The following TBX15 variants were observed in gnomAD, a reference collection of about 807,000 sequenced individuals.
TBX15 encodes the protein T-box transcription factor TBX15.
In TBX15, 18 loss-of-function variants were observed where a neutral mutation model predicts 53.9. The observed-to-expected ratio is 0.33, with a 90% CI of 0.23 to 0.49. The LOEUF is 0.49. Ranked by LOEUF, TBX15 falls within the 20% of genes least tolerant of loss-of-function variation. TBX15 has a pLI of 0.98. For missense variants in TBX15, 692 were observed against 749.5 expected (o/e 0.92, Z 0.90); for synonymous variants, 295 against 278.0 (o/e 1.06, Z -0.61).
intron 1 of TBX15, among the ~76,000 whole-genome samples, chr1:118,952,259 C>A (rs181533534): frequency 9.2e-5 from 14 of 152,204 alleles, no homozygotes; most frequent in Admixed American, 8.5e-4. Flanking sequence ...TATTAACCAG[C>A]TATTTATGTT....
chr1:118,934,891 C>T (rs527317389), intron 1 of TBX15, among the ~76,000 whole-genome samples: 1 of 152,298 alleles, frequency 6.6e-6, no homozygotes, highest in East Asian at 1.9e-4. Flanking sequence ...TCTAGATTTT[C>T]ACTCTCTCAC....
chr1:118,986,320 T>C (rs904721923), intron 1 of TBX15, among the ~76,000 whole-genome samples: 1 of 152,186 alleles, frequency 6.6e-6, no homozygotes, highest in Admixed American at 6.5e-5. Context: ...AGGAAAAGGC[T>C]TGGACGGTCG....
At chr1:118,896,513 GGA>G (rs1301060101) in intron 7 of TBX15, among the ~76,000 whole-genome samples, 14 of 152,110 alleles carry the variant, frequency 9.2e-5, no homozygotes, top group Non-Finnish European at 2.1e-4. Flanking sequence ...AAACTGTCTA[GGA>G]CTGCTATGTG....
intron 7 of TBX15, among the ~76,000 whole-genome samples, chr1:118,885,783 T>C (rs1653922146): frequency 6.6e-6 from 1 of 152,190 alleles, no homozygotes; most frequent in Admixed American, 6.5e-5. Flanking sequence ...GTTTTCTCTG[T>C]AAGAGCCTTA....
intron 5 of TBX15, among the ~76,000 whole-genome samples, chr1:118,918,726 C>A (rs756479693): frequency 1.8e-4 from 28 of 152,152 alleles, no homozygotes; most frequent in Non-Finnish European, 4.0e-4. Context: ...TAATGTTAAT[C>A]ATTGTCACGG....
At position 118,884,616 on chromosome 1, in the gene TBX15, A is replaced by AC; in HGVS notation, c.*115_*116insG. On this transcript the variant is annotated 3_prime_UTR_variant, in exon 8 of 8. Coordinates refer to ENST00000369429, the MANE Select transcript of TBX15 (RefSeq NM_001330677.2). ...TATGTCTTCGGCCAGAAAAAAAAAA[A>AC]AAAAAAAAACACGGTTCCTGTTTTT... 1.5e-6 allele frequency: 2 copies of AC among 1,316,786 alleles called. No individual in the cohort carries two copies. Among genetic ancestry groups the AC allele is most frequent in the Non-Finnish European group, 2.1e-6 (2 of 965,504 alleles). The allele number at this position is 1,316,786 out of a possible 1,614,324, so 81.6% of individuals were successfully genotyped here.
intron 6 of TBX15, among the ~76,000 whole-genome samples, chr1:118,910,636 G>A (rs954774767): frequency 7.2e-5 from 11 of 152,294 alleles, no homozygotes; most frequent in African/African-American, 2.4e-4. Flanking sequence ...ATTAAAGTGT[G>A]ATTATCAGGT....
chr1:118,942,350 T>G (rs560728526), intron 1 of TBX15, among the ~76,000 whole-genome samples: 1 of 152,346 alleles, frequency 6.6e-6, no homozygotes, highest in East Asian at 1.9e-4. Flanking sequence ...ATGCACTCAA[T>G]AAAATGTTTT....
At chr1:118,888,382 T>G (rs905665041) in intron 7 of TBX15, among the ~76,000 whole-genome samples, 2 of 152,208 alleles carry the variant, frequency 1.3e-5, no homozygotes, top group East Asian at 3.8e-4. Context: ...TGGAATTATT[T>G]TGATATAATG....
intron 1 of TBX15, among the ~76,000 whole-genome samples, chr1:118,957,020 A>G (rs1656715369): frequency 6.6e-6 from 1 of 152,168 alleles, no homozygotes; most frequent in Non-Finnish European, 1.5e-5. Flanking sequence ...AGTCACAACA[A>G]AAGAACATTC....
At position 118,956,675 on chromosome 1, in the gene TBX15, G is replaced by A. The variant is rs532525562; in HGVS notation, c.206-24843C>T. Among the ~76,000 whole-genome samples the A allele has an allele frequency of 1.1e-4, 17 of 152,188 alleles. No individual in the cohort carries two copies. In the South Asian group the frequency reaches 1.2e-3, roughly 11 times the overall value. The stretch of plus-strand genomic sequence containing the variant: ...TTTTAAAAATAGATTAAATCTGGCC[G>A]GGCGCAGTGGCTCATGCCTGTAATC... On this transcript the variant is annotated intron_variant, in intron 1 of 7. Transcript: ENST00000369429.
At position 118,988,088 on chromosome 1, in the gene TBX15, C is replaced by G. The variant is rs1240358506; in HGVS notation, c.-293G>C. 3.9e-6 allele frequency: 2 copies of G among 508,084 alleles called. No individual in the cohort carries two copies. The highest frequency in any genetic ancestry group is 3.5e-5 in the East Asian group (1 of 28,178). 31.5% of individuals were successfully genotyped at this position (508,084 alleles called of 1,614,324 possible). On this transcript the variant is annotated 5_prime_UTR_variant, in exon 1 of 8. Coordinates refer to ENST00000369429, the MANE Select transcript of TBX15 (RefSeq NM_001330677.2). ...CCTGCTTCCCACCCACCGGGGCAGG[C>G]GCTCACAGACTGTGTCCACTGAACT...
At chr1:118,977,220 CA>C (rs1036467706) in intron 1 of TBX15, among the ~76,000 whole-genome samples, 1 of 151,904 alleles carries the variant, frequency 6.6e-6, no homozygotes, top group Non-Finnish European at 1.5e-5. Flanking sequence ...TTCATTGCAC[CA>C]AATAGAAATG....
intron 1 of TBX15, among the ~76,000 whole-genome samples, chr1:118,954,437 G>A (rs1422121676): frequency 6.6e-6 from 1 of 152,174 alleles, no homozygotes; most frequent in East Asian, 1.9e-4. Context: ...ATCTTTACGT[G>A]GAGGAATGCT....
At chr1:118,905,583 T>C (rs955963241) in intron 6 of TBX15, among the ~76,000 whole-genome samples, 2 of 152,210 alleles carry the variant, frequency 1.3e-5, no homozygotes, top group African/African-American at 4.8e-5. Context: ...CTACCTTGAA[T>C]TGTAGATGCA....
intron 6 of TBX15, among the ~76,000 whole-genome samples, chr1:118,907,805 T>A (rs1237331794): frequency 2.0e-5 from 3 of 152,184 alleles, no homozygotes; most frequent in African/African-American, 7.2e-5. Context: ...CTACTGGGTG[T>A]CCTTTCTCAA....
rs1654141699 is a variant in TBX15 at position 118,891,511 on chromosome 1, C to T, written c.1025-5995G>A. ...TATTACACACTTTCTCCCACTCTCACTGCCTTAGCCCTACCTTCAGGGAAG... is the reference window on the plus strand; with the variant it reads ...TATTACACACTTTCTCCCACTCTCATTGCCTTAGCCCTACCTTCAGGGAAG... On this transcript the variant is annotated intron_variant, in intron 7 of 7. Coordinates refer to ENST00000369429, the MANE Select transcript of TBX15 (RefSeq NM_001330677.2). 3.9e-5 allele frequency among the ~76,000 whole-genome samples: 6 copies of T among 152,200 alleles called. No individual in the cohort carries two copies. The South Asian group carries it at 1.2e-3, about 31-fold the overall frequency.
At chr1:118,972,996 A>G (rs1353595175) in intron 1 of TBX15, among the ~76,000 whole-genome samples, 1 of 152,158 alleles carries the variant, frequency 6.6e-6, no homozygotes, top group African/African-American at 2.4e-5. Flanking sequence ...AATATTGAGC[A>G]CTCCCTAATT....
chr1:118,922,972 A>G (rs891326238), intron 5 of TBX15, among the ~76,000 whole-genome samples: 2 of 151,968 alleles, frequency 1.3e-5, no homozygotes, highest in Non-Finnish European at 2.9e-5. Context: ...AGGAAAGTCT[A>G]TAATCAGTTA....
Sources: gnomAD v4.1 joint callset for allele counts (sites outside exome capture counted in the v4.1 genomes callset) on GRCh38, gnomAD v4.1.1 for gene constraint, MANE v1.5 for transcripts, NCBI Gene and HGNC (gene_info 2026-07-23, HGNC 2026-07-21) for gene names.